Variants in FOXP1 observed in about 807,000 individuals in gnomAD.
The protein encoded by FOXP1 is forkhead box P1.
Under a neutral mutation model 98.2 loss-of-function variants are expected in FOXP1, and 15 were observed. That is an observed-to-expected ratio of 0.15 (90% CI 0.10 to 0.24). FOXP1 has a LOEUF of 0.24. FOXP1 is among the 10% of genes least tolerant of loss of function. The pLI, the probability that FOXP1 is intolerant of heterozygous loss-of-function variation, is 1.00. For missense variants in FOXP1, 633 were observed against 848.5 expected (o/e 0.75, Z 3.15); for synonymous variants, 371 against 314.5 (o/e 1.18, Z -1.90).
At chr3:71,157,214 G>A (rs1031913716) in intron 6 of FOXP1, among the ~76,000 whole-genome samples, 1 of 152,190 alleles carries the variant, frequency 6.6e-6, no homozygotes, top group Non-Finnish European at 1.5e-5. Flanking sequence ...TGTTTTTGGA[G>A]TGTTGGAACA....
chr3:71,570,597 G>C (rs1235907413), intron 2 of FOXP1: 1 of 152,184 alleles, frequency 6.6e-6, no homozygotes, highest in Non-Finnish European at 1.5e-5. Flanking sequence ...AATACAGAGG[G>C]ATCCAGCATA....
At chr3:71,177,355 G>T (rs796524347) in intron 6 of FOXP1, among the ~76,000 whole-genome samples, 5 of 152,330 alleles carry the variant, frequency 3.3e-5, no homozygotes, top group African/African-American at 1.2e-4. Flanking sequence ...TGCTGTCTAT[G>T]GGAATACTTA....
chr3:71,180,892 C>T (rs1030547090), intron 6 of FOXP1, among the ~76,000 whole-genome samples: 5 of 152,168 alleles, frequency 3.3e-5, no homozygotes, highest in Non-Finnish European at 7.3e-5. Flanking sequence ...GTGTGTGGGG[C>T]CCCTTCAGTA....
intron 6 of FOXP1, among the ~76,000 whole-genome samples, chr3:71,116,459 A>T (rs192775938): frequency 6.6e-6 from 1 of 152,218 alleles, no homozygotes; most frequent in Admixed American, 6.5e-5. Context: ...TCAGCCCCCA[A>T]ATGAATAAAC....
intron 4 of FOXP1, among the ~76,000 whole-genome samples, chr3:71,328,974 TAAAAAAAAAAAAAAACA>T (rs2076101568): frequency 3.2e-5 from 1 of 31,166 alleles, no homozygotes; most frequent in South Asian, 3.4e-3. Context: ...TCCATCTCGC[TAAAAAAAAAAAAAAACA>T]AAAAAAAAAA....
intron 12 of FOXP1, among the ~76,000 whole-genome samples, chr3:71,014,668 T>C (rs1468119688): frequency 6.6e-6 from 1 of 152,340 alleles, no homozygotes; most frequent in East Asian, 1.9e-4. Flanking sequence ...TTATAATTCA[T>C]GCTGCTATAA....
intron 7 of FOXP1, among the ~76,000 whole-genome samples, chr3:71,087,672 T>C (rs2055283880): frequency 6.6e-6 from 1 of 152,228 alleles, no homozygotes; most frequent in African/African-American, 2.4e-5. Flanking sequence ...TTTGCTGTTT[T>C]TATAACCAAA....
At chr3:71,250,667 C>T (rs1211007517) in intron 5 of FOXP1, among the ~76,000 whole-genome samples, 9 of 152,214 alleles carry the variant, frequency 5.9e-5, no homozygotes, top group Admixed American at 3.9e-4. Flanking sequence ...CAGTGGCTCA[C>T]GCCTGTAATC....
chr3:71,005,594 T>A (rs1353978515), intron 12 of FOXP1, among the ~76,000 whole-genome samples: 1 of 152,094 alleles, frequency 6.6e-6, no homozygotes, highest in Admixed American at 6.6e-5. Flanking sequence ...TTGGAAAGAA[T>A]GTGACCCTGT....
intron 3 of FOXP1, among the ~76,000 whole-genome samples, chr3:71,420,472 TC>T (rs1262144155): frequency 5.3e-5 from 8 of 152,074 alleles, no homozygotes; most frequent in African/African-American, 1.9e-4. Flanking sequence ...AGTCTGTGCA[TC>T]CCAAATGTTC....
At chr3:71,366,673 T>C (rs59011719) in intron 3 of FOXP1, among the ~76,000 whole-genome samples, 5,561 of 152,314 alleles carry the variant, frequency 0.037, 321 homozygotes, top group African/African-American at 0.13. Context: ...ACATTTCTAC[T>C]CATTTATTAA....
At chr3:71,216,711 T>C (rs1267804010) in intron 5 of FOXP1, among the ~76,000 whole-genome samples, 2 of 151,726 alleles carry the variant, frequency 1.3e-5, no homozygotes, top group Non-Finnish European at 2.9e-5. Flanking sequence ...GGTCCAACAA[T>C]TAAAAATGCA....
chr3:71,556,590 A>G (rs2107701897), intron 2 of FOXP1, among the ~76,000 whole-genome samples: 1 of 151,378 alleles, frequency 6.6e-6, no homozygotes, highest in East Asian at 1.9e-4. Context: ...AAAAAAAAAA[A>G]AAAAAAAAAA....
chr3:71,306,208 C>T (rs2074260196), intron 4 of FOXP1, among the ~76,000 whole-genome samples: 2 of 152,112 alleles, frequency 1.3e-5, no homozygotes, highest in Non-Finnish European at 2.9e-5. Flanking sequence ...TTCCAGGGGA[C>T]ACCACTAAAC....
At chr3:71,190,667 AG>A (rs2062923045) in intron 6 of FOXP1, among the ~76,000 whole-genome samples, 3 of 151,318 alleles carry the variant, frequency 2.0e-5, no homozygotes, top group African/African-American at 7.3e-5. Flanking sequence ...AAAAAGAAAA[AG>A]TTAAATGAAA....
intron 5 of FOXP1, chr3:71,245,498 G>A (rs2067661418): frequency 6.6e-6 from 1 of 151,918 alleles, no homozygotes; most frequent in African/African-American, 2.4e-5. Context: ...GACCGTGCCA[G>A]TTTAATCATT....
At chr3:71,167,268 T>A (rs1187127575) in intron 6 of FOXP1, among the ~76,000 whole-genome samples, 1 of 152,174 alleles carries the variant, frequency 6.6e-6, no homozygotes, top group African/African-American at 2.4e-5. Context: ...TTTCAGATTA[T>A]AAAAGTTCCC....
At chr3:71,533,006 C>A (rs553087380) in intron 2 of FOXP1, among the ~76,000 whole-genome samples, 1 of 152,174 alleles carries the variant, frequency 6.6e-6, no homozygotes, top group South Asian at 2.1e-4. Context: ...CTTGCTCCTG[C>A]AATCAGAAAG....
intron 6 of FOXP1, among the ~76,000 whole-genome samples, chr3:71,160,197 T>TC (rs550430831): frequency 0.038 from 5,842 of 152,226 alleles, 145 homozygotes; most frequent in Non-Finnish European, 0.056. Flanking sequence ...CTTTTTTTTT[T>TC]CCCCAACTTG....
Sources: gnomAD v4.1 joint callset for allele counts (sites outside exome capture counted in the v4.1 genomes callset) on GRCh38, gnomAD v4.1.1 for gene constraint, MANE v1.5 for transcripts, NCBI Gene and HGNC (gene_info 2026-07-23, HGNC 2026-07-21) for gene names.